TACC2: variants seen among roughly 807,000 people sequenced by gnomAD.
TACC2 encodes transforming acidic coiled-coil-containing protein 2.
In TACC2, 137 loss-of-function variants were observed where a neutral mutation model predicts 227.3. That is an observed-to-expected ratio of 0.60 (90% confidence interval 0.52 to 0.69). The LOEUF (loss-of-function observed/expected upper bound fraction) is 0.69. Among genes scored for constraint, TACC2 ranks in the 30% least tolerant of loss-of-function variants. TACC2 has a pLI of 0.00. For missense variants in TACC2, 3,470 were observed against 3,694.4 expected, an observed-to-expected ratio of 0.94 and a Z score of 1.57; for synonymous variants, 1,523 against 1,487.5, an observed-to-expected ratio of 1.02 and a Z score of -0.55.
At chr10:122,035,131 G>T (rs1959853316) in intron 2 of TACC2, among the ~76,000 whole-genome samples, 1 of 152,170 alleles carries the variant, frequency 6.6e-6, no homozygotes, top group Non-Finnish European at 1.5e-5. Context: ...GTTAGGGGAA[G>T]AGCACTTTGT....
rs138676514 is a variant in TACC2 at position 122,084,298 on chromosome 10, C to T, written c.1798C>T (p.Gln600Ter). The change falls in exon 4 of 23, where the codon CAG becomes TAG. Residue 600 changes from glutamine (Q) to a stop codon, truncating the protein, a stop_gained. Transcript: ENST00000369005. LOFTEE classifies it high-confidence loss of function. ...AGGGAACCTGCAAGGAGAGGACTCTCAGGCTTTCAGCAGCAAGCGTGATCC... is the reference window on the plus strand; with the variant it reads ...AGGGAACCTGCAAGGAGAGGACTCTTAGGCTTTCAGCAGCAAGCGTGATCC... Reference protein sequence around the residue: ...DPGNLQGEDSQAFSSKRDPEV... With the variant: ...DPGNLQGEDS The T allele has an allele frequency of 5.0e-5, 80 of 1,613,852 alleles. No individual in the cohort carries two copies. Among genetic ancestry groups the T allele is most frequent in the Non-Finnish European group, 6.5e-5 (77 of 1,180,054 alleles).
chr10:122,018,837 G>C (rs934755116), intron 1 of TACC2, among the ~76,000 whole-genome samples: 9 of 152,190 alleles, frequency 5.9e-5, no homozygotes, highest in Non-Finnish European at 1.5e-5. Flanking sequence ...GGGGCACTGA[G>C]CTCCCCCTCC....
chr10:122,131,060 C>T (rs2087980484), intron 5 of TACC2, among the ~76,000 whole-genome samples: 1 of 151,878 alleles, frequency 6.6e-6, no homozygotes, highest in South Asian at 2.1e-4. Context: ...CGCCTATAAT[C>T]CCAGCATTTG....
intron 7 of TACC2, among the ~76,000 whole-genome samples, chr10:122,154,275 G>A (rs567612587): frequency 6.6e-6 from 1 of 152,372 alleles, no homozygotes; most frequent in South Asian, 2.1e-4. Context: ...CAAAGGAGCC[G>A]TCCCATACTG....
chr10:122,122,470 G>A (rs191335762), intron 5 of TACC2, among the ~76,000 whole-genome samples: 2 of 148,828 alleles, frequency 1.3e-5, no homozygotes, highest in African/African-American at 4.9e-5. Flanking sequence ...AAGTAACTAA[G>A]TATTTTTTTA....
At position 122,216,668 on chromosome 10, in the gene TACC2, C is replaced by G. The variant is rs1472673300; in HGVS notation, c.7386C>G (p.Ile2462Met). 4 of 1,614,024 alleles carry G rather than the reference C, an allele frequency of 2.5e-6. No individual in the cohort carries two copies. In the African/African-American group the frequency reaches 5.3e-5, roughly 22 times the overall value. The change falls in exon 11 of 23, where the codon ATC becomes ATG. Residue 2462 changes from isoleucine to methionine, a missense_variant. This residue lies in a region of TACC2 where 593 missense variants were observed against 636.6 expected (regional missense o/e 0.93). Coordinates refer to ENST00000369005, the MANE Select transcript of TACC2 (RefSeq NM_206862.4). Reference protein sequence around the residue: ...PAATPETPPVISAVVHATDEE... With the variant: ...PAATPETPPVMSAVVHATDEE... Reference sequence around the variant, plus strand: ...CTACACCAGAAACACCACCAGTGATCTCTGCGGTGGTCCACGCCACAGATG... The same window carrying G: ...CTACACCAGAAACACCACCAGTGATGTCTGCGGTGGTCCACGCCACAGATG...
chr10:122,021,803 A>T (rs1957375249), intron 1 of TACC2, 134 bp from the exon 2 acceptor site: 3 of 593,982 alleles, frequency 5.1e-6, no homozygotes, highest in Non-Finnish European at 6.0e-6. Context: ...CTTCAAAAGT[A>T]ATTTTCCATG....
chr10:122,039,292 A>T (rs2073964246), intron 2 of TACC2, among the ~76,000 whole-genome samples: 2 of 152,104 alleles, frequency 1.3e-5, no homozygotes, highest in South Asian at 4.1e-4. Flanking sequence ...TCTATTTTGA[A>T]ACCATGATCT....
At chr10:122,224,129 A>G (rs2095575891) in intron 11 of TACC2, among the ~76,000 whole-genome samples, 1 of 152,146 alleles carries the variant, frequency 6.6e-6, no homozygotes, top group South Asian at 2.1e-4. Context: ...ATTGGACTTT[A>G]CTAGTCTTTG....
intron 22 of TACC2, 114 bp downstream of exon 22, chr10:122,249,778 A>G (rs10510106): frequency 0.37 from 483,648 of 1,290,666 alleles, 94,198 homozygotes; most frequent in East Asian, 0.61. Flanking sequence ...CTGAAGACGA[A>G]TTCATGCTTC....
chr10:122,052,422 T>A (rs2075794752), intron 3 of TACC2: 1 of 151,882 alleles, frequency 6.6e-6, no homozygotes. Context: ...ATAAAAGAGG[T>A]GCCCGTAATC....
chr10:122,249,738 C>G, intron 22 of TACC2, 74 bp downstream of exon 22: 1 of 1,522,528 alleles, frequency 6.6e-7, no homozygotes, highest in Non-Finnish European at 8.9e-7. Flanking sequence ...TCCAGCTAGA[C>G]AGGCTGGGCT....
intron 8 of TACC2, among the ~76,000 whole-genome samples, chr10:122,202,013 CTT>C (rs767544440): frequency 0.017 from 1,733 of 102,320 alleles, 38 homozygotes; most frequent in African/African-American, 0.056. Flanking sequence ...TCTTCTTTAG[CTT>C]TTTTTTTTTT....
intron 7 of TACC2, among the ~76,000 whole-genome samples, chr10:122,147,387 C>T (rs765392583): frequency 3.0e-4 from 45 of 152,232 alleles, no homozygotes; most frequent in East Asian, 1.2e-3. Flanking sequence ...TCAAGTGACC[C>T]GTCCGCCTTG....
At chr10:122,192,955 ACCT>A (rs1217777648) in intron 7 of TACC2, among the ~76,000 whole-genome samples, 1 of 151,800 alleles carries the variant, frequency 6.6e-6, no homozygotes, top group East Asian at 1.9e-4. Flanking sequence ...CAGTTGTGTG[ACCT>A]CCTTTTGTTT....
intron 2 of TACC2, among the ~76,000 whole-genome samples, chr10:122,042,288 G>A: frequency 6.6e-6 from 1 of 151,964 alleles, no homozygotes; most frequent in Non-Finnish European, 1.5e-5. Flanking sequence ...TGTCGCCCAG[G>A]CTGGAGTTCA....
intron 3 of TACC2, among the ~76,000 whole-genome samples, chr10:122,060,149 G>A (rs113855131): frequency 0.011 from 1,612 of 152,318 alleles, 29 homozygotes; most frequent in African/African-American, 0.037. Context: ...AGAGGAATGG[G>A]TGACCATTGA....
At chr10:122,068,923 C>T (rs2077699766) in intron 3 of TACC2, among the ~76,000 whole-genome samples, 1 of 146,380 alleles carries the variant, frequency 6.8e-6, no homozygotes, top group Admixed American at 6.9e-5. Context: ...TGGTCTCGAA[C>T]TCCTGACCTC....
intron 1 of TACC2, among the ~76,000 whole-genome samples, chr10:121,999,008 CTTTCT>C (rs1953928569): frequency 6.7e-6 from 1 of 149,678 alleles, no homozygotes; most frequent in Non-Finnish European, 1.5e-5. Flanking sequence ...CCATTTCTTT[CTTTCT>C]TTTTTTTTTT....
Sources: allele counts gnomAD v4.1 joint callset (sites outside exome capture counted in the v4.1 genomes callset), GRCh38; gene constraint gnomAD v4.1.1; regional missense constraint gnomAD v4.1.1; transcripts MANE v1.5; gene names NCBI Gene and HGNC (gene_info 2026-07-23, HGNC 2026-07-21).